Variants in CRACR2A observed in about 807,000 individuals in gnomAD.
CRACR2A encodes the protein calcium release activated channel regulator 2A.
Under a neutral mutation model 90.5 loss-of-function variants are expected in CRACR2A, and 79 were observed. The observed-to-expected ratio is 0.87, with a 90% CI of 0.73 to 1.05. CRACR2A has a LOEUF of 1.05. CRACR2A is among the 50% of genes least tolerant of loss of function. The pLI, the probability that CRACR2A is intolerant of heterozygous loss-of-function variation, is 0.00. For synonymous variants in CRACR2A, 338 were observed against 356.7 expected, an observed-to-expected ratio of 0.95 and a Z score of 0.59; for missense variants, 823 against 897.2, an observed-to-expected ratio of 0.92 and a Z score of 1.06.
chr12:3,702,177 G>A (rs946280106), intron 3 of CRACR2A, among the ~76,000 whole-genome samples: 4 of 152,142 alleles, frequency 2.6e-5, no homozygotes, highest in African/African-American at 7.2e-5. Context: ...GGGCATCTAC[G>A]AAAACAACAG....
chr12:3,631,619 A>G (rs7295299), intron 15 of CRACR2A, among the ~76,000 whole-genome samples: 100,918 of 152,130 alleles, frequency 0.66, 33,790 homozygotes, highest in African/African-American at 0.76. Context: ...CAGGCTCTGC[A>G]CTTCTTCCCA....
chr12:3,660,057 T>C (rs532591743), intron 7 of CRACR2A, among the ~76,000 whole-genome samples: 11 of 152,220 alleles, frequency 7.2e-5, no homozygotes, highest in Non-Finnish European at 1.5e-4. Flanking sequence ...ATAGACTATA[T>C]GAAGTTGCAT....
Position 3,626,027 on chromosome 12 carries a change from A to G in CRACR2A, c.1932+1409T>C, listed in dbSNP as rs150598720. Among the ~76,000 whole-genome samples, 347 of 152,350 alleles carry G rather than the reference A, an allele frequency of 2.3e-3. No individual in the cohort carries two copies. The Middle Eastern group carries it at 0.024, about 10-fold the overall frequency. On this transcript the variant is annotated intron_variant, in intron 17 of 19. Transcript: ENST00000440314. ...CCATTATTAGTTTGGTGTACAGGCA[A>G]TCTACTACCTACATTTCAAAACTTG...
intron 7 of CRACR2A, among the ~76,000 whole-genome samples, chr12:3,670,859 A>G (rs1945226877): frequency 6.6e-6 from 1 of 152,074 alleles, no homozygotes; most frequent in South Asian, 2.1e-4. Flanking sequence ...CTGGCCAAAG[A>G]GTTCAGTGAG....
At chr12:3,679,554 A>G (rs1181613975) in intron 5 of CRACR2A, among the ~76,000 whole-genome samples, 1 of 151,962 alleles carries the variant, frequency 6.6e-6, no homozygotes, top group Non-Finnish European at 1.5e-5. Context: ...CTTCCTCCAT[A>G]CTCATACTGT....
intron 5 of CRACR2A, 77 bp downstream of exon 5, chr12:3,680,161 C>T (rs943403712): frequency 2.7e-5 from 33 of 1,231,452 alleles, no homozygotes; most frequent in African/African-American, 5.9e-5. Flanking sequence ...CCCAGGTCTA[C>T]AAGGGACAGG....
chr12:3,750,888 C>A (rs1946692825), intron 1 of CRACR2A, among the ~76,000 whole-genome samples: 4 of 152,188 alleles, frequency 2.6e-5, no homozygotes, highest in African/African-American at 2.4e-5. Flanking sequence ...CTGGGGCCTG[C>A]CTTCTGCAGG....
At chr12:3,715,372 G>A (rs1050515228) in intron 2 of CRACR2A, among the ~76,000 whole-genome samples, 1 of 152,228 alleles carries the variant, frequency 6.6e-6, no homozygotes, top group Non-Finnish European at 1.5e-5. Context: ...AAGTAAGACA[G>A]CTATTCTAAG....
At position 3,684,691 on chromosome 12, in the gene CRACR2A, T is replaced by C. The variant is rs1268355928; in HGVS notation, c.229-4342A>G. ...ATAATTCCACTTGTTATCACAGCCA[T>C]GTAGCCATAACATGAGAAGGCCATC... On this transcript the variant is annotated intron_variant, in intron 4 of 19. Transcript: ENST00000440314. Among the ~76,000 whole-genome samples the C allele has an allele frequency of 5.9e-5, 9 of 152,366 alleles. No homozygotes were observed. The South Asian group carries it at 8.3e-4, about 14-fold the overall frequency.
intron 4 of CRACR2A, among the ~76,000 whole-genome samples, chr12:3,683,715 G>A (rs1945498683): frequency 6.6e-6 from 1 of 152,216 alleles, no homozygotes; most frequent in African/African-American, 2.4e-5. Context: ...CTGAGAACAG[G>A]GACCTCATTC....
intron 2 of CRACR2A, among the ~76,000 whole-genome samples, chr12:3,721,525 A>T (rs1353523705): frequency 6.6e-6 from 1 of 151,396 alleles, no homozygotes; most frequent in Non-Finnish European, 1.5e-5. Flanking sequence ...AGGTTGCAGT[A>T]AGTGAGCCAT....
chr12:3,643,829 TAA>T (rs1209475592), intron 12 of CRACR2A, among the ~76,000 whole-genome samples: 2 of 98,250 alleles, frequency 2.0e-5, no homozygotes, highest in Non-Finnish European at 3.8e-5. Context: ...ATATTATATA[TAA>T]ATATATATAA....
chr12:3,629,859 G>A (rs563657631), intron 15 of CRACR2A, among the ~76,000 whole-genome samples: 3 of 137,376 alleles, frequency 2.2e-5, no homozygotes, highest in African/African-American at 5.6e-5. Context: ...GGGGGGGGGG[G>A]GATGAAGAGG....
chr12:3,740,758 A>G (rs1946512488), intron 1 of CRACR2A, among the ~76,000 whole-genome samples: 1 of 152,216 alleles, frequency 6.6e-6, no homozygotes, highest in Admixed American at 6.5e-5. Flanking sequence ...CTCTGCAGTC[A>G]AGTGCCTGGA....
Position 3,616,941 on chromosome 12 carries a change from C to G in CRACR2A, c.2111+13G>C. The G allele has an allele frequency of 6.5e-7, 1 of 1,546,824 alleles. No homozygotes were observed. The highest frequency in any genetic ancestry group is 1.4e-5 in the African/African-American group (1 of 73,038). ...CACAGCAGTTACTGCACCTGGGGAG[C>G]ACATCTCTTTACCTGGCCAGATGGA... On this transcript the variant is annotated intron_variant, in intron 19 of 19. Coordinates refer to ENST00000440314, the MANE Select transcript of CRACR2A (RefSeq NM_001144958.2).
intron 15 of CRACR2A, among the ~76,000 whole-genome samples, chr12:3,631,913 T>C (rs1305589349): frequency 6.6e-6 from 1 of 152,104 alleles, no homozygotes; most frequent in Non-Finnish European, 1.5e-5. Flanking sequence ...AGGTTGAAGA[T>C]GGTTGAGTCA....
At chr12:3,717,144 C>G (rs181133871) in intron 2 of CRACR2A, among the ~76,000 whole-genome samples, 4 of 152,044 alleles carry the variant, frequency 2.6e-5, no homozygotes, top group African/African-American at 9.7e-5. Context: ...TCAGGATAAT[C>G]CCATTTAGCA....
intron 2 of CRACR2A, among the ~76,000 whole-genome samples, chr12:3,714,197 T>C (rs1381414481): frequency 6.6e-6 from 1 of 152,212 alleles, no homozygotes; most frequent in Non-Finnish European, 1.5e-5. Flanking sequence ...ATTTGTTCAA[T>C]GAATATTCAC....
In CRACR2A at chr12:3,648,222, G is replaced by C. The variant is rs11062752; in HGVS notation, c.1118+320C>G. On this transcript the variant is annotated intron_variant, in intron 11 of 19. Transcript: ENST00000440314. ...TGAACGAGATAATATTTCTAGCATA[G>C]ATTAAATGCTCATTAAACCCAGCTC... The C allele has an allele frequency of 0.24, 293,576 of 1,223,092 alleles. 37,199 individuals are homozygous for C. The highest frequency in any genetic ancestry group is 0.46 in the East Asian group (14,037 of 30,498). The allele number at this position is 1,223,092 out of a possible 1,614,324, so 75.8% of individuals were successfully genotyped here.
Sources: allele counts gnomAD v4.1 joint callset (sites outside exome capture counted in the v4.1 genomes callset), GRCh38; gene constraint gnomAD v4.1.1; transcripts MANE v1.5; gene names NCBI Gene and HGNC (gene_info 2026-07-23, HGNC 2026-07-21).